The following EHHADH variants were observed in gnomAD, a reference collection of about 807,000 sequenced individuals.
EHHADH encodes the protein peroxisomal bifunctional enzyme.
A neutral mutation model predicts 64.4 loss-of-function variants in EHHADH; 48 were observed. The observed-to-expected ratio is 0.75, with a 90% confidence interval of 0.59 to 0.95. The LOEUF (loss-of-function observed/expected upper bound fraction) is 0.95. Among genes scored for constraint, EHHADH ranks in the 40% least tolerant of loss-of-function variants. The probability of loss-of-function intolerance (pLI) is 0.00; values close to 1 mark genes in which losing one functional copy is unlikely to be tolerated. For missense variants in EHHADH, 854 were observed against 876.6 expected, an observed-to-expected ratio of 0.97 and a Z score of 0.33; for synonymous variants, 308 against 326.7, an observed-to-expected ratio of 0.94 and a Z score of 0.62.
At chr3:185,241,182 C>G (rs1719440457) in intron 2 of EHHADH, among the ~76,000 whole-genome samples, 1 of 152,016 alleles carries the variant, frequency 6.6e-6, no homozygotes, top group Admixed American at 6.6e-5. Flanking sequence ...ATAAAAATAC[C>G]ACAGTTTGTT....
chr3:185,192,439 T>A lies in EHHADH; in HGVS notation c.1959A>T (p.Gly653=). The change falls in exon 7 of 7, where the codon GGA becomes GGT. Residue 653 remains glycine (G), a synonymous_variant. Transcript: ENST00000231887. ...PEHIDVVYLH[G]YGWPRHKGGP... ...CGCCCTTGTGCCTTGGCCATCCATA[T>A]CCATGTAAATAGACAACATCAATGT... 2 of 1,614,208 alleles carry A rather than the reference T, an allele frequency of 1.2e-6. No individual in the cohort carries two copies. The highest frequency in any genetic ancestry group is 1.7e-6 in the Non-Finnish European group (2 of 1,180,036).
At chr3:185,206,090 T>C (rs1245188928) in intron 5 of EHHADH, among the ~76,000 whole-genome samples, 2 of 152,084 alleles carry the variant, frequency 1.3e-5, no homozygotes, top group African/African-American at 2.4e-5. Flanking sequence ...ACGTGGTTTA[T>C]TGGAAAGATT....
chr3:185,240,934 G>T (rs1202512711), intron 2 of EHHADH, among the ~76,000 whole-genome samples: 1 of 151,980 alleles, frequency 6.6e-6, no homozygotes, highest in African/African-American at 2.4e-5. Context: ...CACTGTATTT[G>T]TAGTCTTTTA....
At chr3:185,217,286 C>T (rs1668709992) in intron 5 of EHHADH, among the ~76,000 whole-genome samples, 1 of 152,034 alleles carries the variant, frequency 6.6e-6, no homozygotes, top group South Asian at 2.1e-4. Flanking sequence ...GTGGCTCATG[C>T]CTGTAATCCC....
intron 6 of EHHADH, among the ~76,000 whole-genome samples, chr3:185,203,919 C>A (rs1287265296): frequency 6.6e-6 from 1 of 151,962 alleles, no homozygotes; most frequent in African/African-American, 2.4e-5. Flanking sequence ...GCAGGTGGAT[C>A]ACTTGAGGCC....
intron 2 of EHHADH, chr3:185,246,442 G>A: frequency 2.1e-6 from 1 of 482,690 alleles, no homozygotes. Context: ...CTCCAGATAT[G>A]GATGCGATTC....
At chr3:185,236,114 A>C (rs533995715) in intron 2 of EHHADH, among the ~76,000 whole-genome samples, 1 of 152,326 alleles carries the variant, frequency 6.6e-6, no homozygotes, top group Non-Finnish European at 1.5e-5. Flanking sequence ...GAACATGAAG[A>C]TCACCCTAAA....
chr3:185,238,841 T>C (rs985302794), intron 2 of EHHADH, among the ~76,000 whole-genome samples: 1 of 152,100 alleles, frequency 6.6e-6, no homozygotes, highest in Admixed American at 6.6e-5. Flanking sequence ...TTTGAGGTCT[T>C]AGTCAAAAGT....
Position 185,192,550 on chromosome 3 carries a change from C to T in EHHADH, c.1848G>A (p.Gln616=). ...THHIEPRTIS[Q]DEILERCLYS... The stretch of plus-strand genomic sequence containing the variant: ...ATAAGCAGCGTTCAAGGATCTCATC[C>T]TGGCTAATGGTACGTGGTTCAATGT... Residue 616 remains glutamine (Q), a synonymous_variant, in exon 7 of 7, where the codon CAG becomes CAA. Coordinates refer to ENST00000231887, the MANE Select transcript of EHHADH (RefSeq NM_001966.4). 6.2e-7 allele frequency: 1 copy of T among 1,614,216 alleles called. No homozygotes were observed.
chr3:185,233,891 G>A (rs1360791741), intron 3 of EHHADH, among the ~76,000 whole-genome samples: 1 of 152,134 alleles, frequency 6.6e-6, no homozygotes, highest in East Asian at 1.9e-4. Flanking sequence ...TGATCTGCCT[G>A]CCTCGGCCTC....
At chr3:185,222,721 C>A (rs1305614649) in intron 4 of EHHADH, among the ~76,000 whole-genome samples, 1 of 152,134 alleles carries the variant, frequency 6.6e-6, no homozygotes, top group Non-Finnish European at 1.5e-5. Context: ...GAAAATAGAT[C>A]TGATCTCAAG....
chr3:185,213,033 T>C (rs1036902834), intron 5 of EHHADH, among the ~76,000 whole-genome samples: 1 of 147,136 alleles, frequency 6.8e-6, no homozygotes, highest in East Asian at 2.0e-4. Context: ...GGCAGGAGAA[T>C]TGCTTGAACC....
intron 6 of EHHADH, among the ~76,000 whole-genome samples, chr3:185,194,227 T>C (rs1717994567): frequency 6.6e-6 from 1 of 152,124 alleles, no homozygotes; most frequent in African/African-American, 2.4e-5. Context: ...TCCCAGCACT[T>C]TGGGAGGCCA....
intron 5 of EHHADH, among the ~76,000 whole-genome samples, chr3:185,212,142 T>C (rs1305829724): frequency 6.6e-6 from 1 of 151,724 alleles, no homozygotes; most frequent in Non-Finnish European, 1.5e-5. Context: ...AGAACAGGAG[T>C]TCTTAGTTCA....
In EHHADH at chr3:185,235,374, G is replaced by A. The variant is rs544529375; in HGVS notation, c.267C>T (p.Pro89=). Residue 89 remains proline, a synonymous_variant, in exon 3 of 7, where the codon CCC becomes CCT. Coordinates refer to ENST00000231887, the MANE Select transcript of EHHADH (RefSeq NM_001966.4). Reference sequence around the variant, plus strand: ...CCATGCCTTGGATTGCTGCCACCACGGGCTTCTCATTTCTCTGTATTTCAT... The same window carrying A: ...CCATGCCTTGGATTGCTGCCACCACAGGCTTCTCATTTCTCTGTATTTCAT... ...VVDEIQRNEK[P]VVAAIQGMAF... 9.9e-6 allele frequency: 16 copies of A among 1,613,810 alleles called. No individual in the cohort carries two copies. The highest frequency in any genetic ancestry group is 6.7e-5 in the Admixed American group (4 of 59,988).
intron 2 of EHHADH, chr3:185,245,865 C>T: frequency 9.8e-7 from 1 of 1,023,820 alleles, no homozygotes; most frequent in Non-Finnish European, 1.5e-6. Context: ...TCCCCAGCAA[C>T]CATATCTGGA....
rs1173025827 is a variant in EHHADH at position 185,192,135 on chromosome 3, C to T, written c.*91G>A. ...ATTTATTTTGCTTTGTATTTCAGAA[C>T]AATCTTACTTTGGATTTTTGATTTA... is the stretch of plus-strand genomic sequence containing the variant. On this transcript the variant is annotated 3_prime_UTR_variant, in exon 7 of 7. Transcript: ENST00000231887. The T allele has an allele frequency of 7.2e-7, 1 of 1,392,068 alleles. No homozygotes were observed. Among genetic ancestry groups the T allele is most frequent in the African/African-American group, 1.5e-5 (1 of 68,882 alleles). The allele number at this position is 1,392,068 out of a possible 1,614,324, so 86.2% of individuals were successfully genotyped here. A position where few individuals can be genotyped will look rare whatever the true frequency, so the allele number is the denominator to read the frequency against.
chr3:185,228,844 C>T (rs1322002040), intron 4 of EHHADH, among the ~76,000 whole-genome samples: 11 of 151,842 alleles, frequency 7.2e-5, no homozygotes. Context: ...CGCTCTGTTG[C>T]CCAGGCTGGA....
rs115173299 is a variant in EHHADH, at chr3:185,206,451, C to A, written c.569-1694G>T. ...GGCAAAGTATTCTTAGATACAACAC[C>A]AAAAGCATGACATACAAAAGAAACA... On this transcript the variant is annotated intron_variant, in intron 5 of 6. Coordinates refer to ENST00000231887, the MANE Select transcript of EHHADH (RefSeq NM_001966.4). 5.7e-3 allele frequency among the ~76,000 whole-genome samples: 860 copies of A among 152,074 alleles called. 11 individuals carry two copies. Among genetic ancestry groups the A allele is most frequent in the African/African-American group, 0.02 (820 of 41,494 alleles).
Sources: gnomAD v4.1 joint callset for allele counts (sites outside exome capture counted in the v4.1 genomes callset) on GRCh38, gnomAD v4.1.1 for gene constraint, MANE v1.5 for transcripts, NCBI Gene and HGNC (gene_info 2026-07-23, HGNC 2026-07-21) for gene names.